The following TMEM117 variants were observed in gnomAD, a reference collection of about 807,000 sequenced individuals.
TMEM117 encodes the protein transmembrane protein 117.
TMEM117 carries 27 observed loss-of-function variants against 52.4 expected under a neutral mutation model. The ratio of observed to expected loss-of-function variants is 0.51; its 90% CI spans 0.38 to 0.71. The LOEUF (loss-of-function observed/expected upper bound fraction) is 0.71. Ranked by LOEUF, TMEM117 falls within the 30% of genes least tolerant of loss-of-function variation. The pLI is 0.00. For synonymous variants in TMEM117, 215 were observed against 206.3 expected (o/e 1.04, Z -0.36); for missense variants, 556 against 630.5 (o/e 0.88, Z 1.26).
intron 3 of TMEM117, among the ~76,000 whole-genome samples, chr12:44,034,676 A>G (rs1334979354): frequency 6.6e-6 from 1 of 152,232 alleles, no homozygotes; most frequent in African/African-American, 2.4e-5. Context: ...TTCAAAATGA[A>G]TGATTCTTTT....
chr12:44,333,910 G>T (rs1282072043), intron 6 of TMEM117, among the ~76,000 whole-genome samples: 1 of 152,004 alleles, frequency 6.6e-6, no homozygotes, highest in African/African-American at 2.4e-5. Flanking sequence ...TGAAAGGAAA[G>T]AACTGGGCTT....
At chr12:44,151,946 T>C (rs1412461204) in intron 4 of TMEM117, among the ~76,000 whole-genome samples, 1 of 126,584 alleles carries the variant, frequency 7.9e-6, no homozygotes, top group East Asian at 2.2e-4. Flanking sequence ...TATATTATAT[T>C]ACATAATATA....
At chr12:43,942,845 A>G (rs544807589) in intron 2 of TMEM117, among the ~76,000 whole-genome samples, 1 of 152,302 alleles carries the variant, frequency 6.6e-6, no homozygotes, top group South Asian at 2.1e-4. Context: ...CATATATTTC[A>G]TAACTGACAT....
upstream of TMEM117, among the ~76,000 whole-genome samples, chr12:43,833,465 T>C (rs895280203): frequency 6.6e-6 from 1 of 152,200 alleles, no homozygotes; most frequent in Non-Finnish European, 1.5e-5. Context: ...TATTTTCCCT[T>C]ATTTTATTTT....
chr12:44,054,085 T>G (rs1308768662), intron 3 of TMEM117, among the ~76,000 whole-genome samples: 1 of 152,182 alleles, frequency 6.6e-6, no homozygotes. Context: ...AGTGACATAT[T>G]TTTAATGTGA....
intron 4 of TMEM117, among the ~76,000 whole-genome samples, chr12:44,179,747 G>A (rs1949165399): frequency 6.6e-6 from 1 of 152,202 alleles, no homozygotes; most frequent in Non-Finnish European, 1.5e-5. Context: ...CCTCAATCCA[G>A]TCAAGTTGAC....
chr12:44,275,512 A>G (rs1950501046), intron 5 of TMEM117, among the ~76,000 whole-genome samples: 1 of 152,120 alleles, frequency 6.6e-6, no homozygotes. Context: ...TTGTTGCAGC[A>G]CTGTTCACAA....
At chr12:44,329,786 C>T (rs2138720979) in intron 6 of TMEM117, among the ~76,000 whole-genome samples, 1 of 152,204 alleles carries the variant, frequency 6.6e-6, no homozygotes, top group South Asian at 2.1e-4. Flanking sequence ...GTCTGGCTTA[C>T]TTCACTTAGC....
intron 2 of TMEM117, among the ~76,000 whole-genome samples, chr12:43,870,131 G>A (rs1312242001): frequency 6.6e-6 from 1 of 152,090 alleles, no homozygotes; most frequent in Non-Finnish European, 1.5e-5. Context: ...AGTATTACAT[G>A]GTATGTATGT....
At chr12:43,959,752 G>T (rs929004228) in intron 3 of TMEM117, among the ~76,000 whole-genome samples, 1 of 152,038 alleles carries the variant, frequency 6.6e-6, no homozygotes, top group African/African-American at 2.4e-5. Flanking sequence ...TGTTTGTTTT[G>T]GGAGGTGGTA....
intron 3 of TMEM117, among the ~76,000 whole-genome samples, chr12:44,012,599 G>A (rs1428293676): frequency 2.7e-5 from 4 of 150,724 alleles, no homozygotes; most frequent in Non-Finnish European, 4.4e-5. Context: ...ATCTATTAAT[G>A]AGCCCATCAA....
chr12:44,076,051 C>T (rs1380086822), intron 3 of TMEM117, among the ~76,000 whole-genome samples: 3 of 152,226 alleles, frequency 2.0e-5, no homozygotes, highest in South Asian at 2.1e-4. Flanking sequence ...CAATCACTGC[C>T]GTTACCACCA....
chr12:43,938,852 T>G (rs1944996250), intron 2 of TMEM117, among the ~76,000 whole-genome samples: 1 of 151,422 alleles, frequency 6.6e-6, no homozygotes, highest in Non-Finnish European at 1.5e-5. Context: ...ATACAAAAAT[T>G]AGCCAGGCAC....
chr12:44,198,959 CTG>C (rs1156926920), intron 4 of TMEM117, among the ~76,000 whole-genome samples: 6 of 152,124 alleles, frequency 3.9e-5, no homozygotes, highest in African/African-American at 1.4e-4. Flanking sequence ...GGAAATATGA[CTG>C]TAGTGTATTT....
chr12:43,931,559 T>G (rs1944871325), intron 2 of TMEM117, among the ~76,000 whole-genome samples: 1 of 152,322 alleles, frequency 6.6e-6, no homozygotes, highest in African/African-American at 2.4e-5. Flanking sequence ...GGTAGAGAAA[T>G]GCCCGTGTGT....
At chr12:44,292,795 G>T (rs1473746122) in intron 5 of TMEM117, among the ~76,000 whole-genome samples, 1 of 151,890 alleles carries the variant, frequency 6.6e-6, no homozygotes. Context: ...CTGATTTCTG[G>T]TTTCATACTA....
intron 3 of TMEM117, among the ~76,000 whole-genome samples, chr12:44,141,069 C>G (rs1948564577): frequency 6.6e-6 from 1 of 152,014 alleles, no homozygotes; most frequent in South Asian, 2.1e-4. Flanking sequence ...CTTGATTTTT[C>G]TAGTCTTCAT....
At chr12:44,023,928 C>T (rs928635525) in intron 3 of TMEM117, among the ~76,000 whole-genome samples, 2 of 151,772 alleles carry the variant, frequency 1.3e-5, no homozygotes, top group Non-Finnish European at 2.9e-5. Flanking sequence ...CAAATCTGCA[C>T]ATTGTGCACA....
intron 6 of TMEM117, among the ~76,000 whole-genome samples, chr12:44,371,727 G>A (rs1951866013): frequency 6.6e-6 from 1 of 152,112 alleles, no homozygotes; most frequent in African/African-American, 2.4e-5. Flanking sequence ...CCTGAGGCAT[G>A]GGTCTCAATG....
Sources: gnomAD v4.1 joint callset for allele counts (sites outside exome capture counted in the v4.1 genomes callset) on GRCh38, gnomAD v4.1.1 for gene constraint, MANE v1.5 for transcripts, NCBI Gene and HGNC (gene_info 2026-07-23, HGNC 2026-07-21) for gene names.